Variants in USP31 observed in about 807,000 individuals in gnomAD.
USP31 encodes the protein ubiquitin specific peptidase 31.
A neutral mutation model predicts 119.4 loss-of-function variants in USP31; 44 were observed. The observed-to-expected ratio is 0.37, with a 90% CI of 0.29 to 0.47. USP31 has a LOEUF of 0.47. USP31 is among the 20% of genes least tolerant of loss of function. The pLI, the probability that USP31 is intolerant of heterozygous loss-of-function variation, is 0.99. For synonymous variants in USP31, 749 were observed against 705.6 expected, an observed-to-expected ratio of 1.06 and a Z score of -0.97; for missense variants, 1,643 against 1,730.2, an observed-to-expected ratio of 0.95 and a Z score of 0.89.
Position 23,141,574 on chromosome 16 carries a change from C to T in USP31, c.633+7064G>A, listed in dbSNP as rs952252723. ...TGTACTTTTTGGAGAGACAGGGTTT[C>T]GCCTGTTGCCCAGGCTGGTCTTGAA... is the stretch of plus-strand genomic sequence containing the variant. On this transcript the variant is annotated intron_variant, in intron 1 of 15. Transcript: ENST00000219689. 3.9e-5 allele frequency among the ~76,000 whole-genome samples: 6 copies of T among 152,050 alleles called. No individual in the cohort carries two copies. The East Asian group carries it at 5.8e-4, about 15-fold the overall frequency.
Position 23,069,372 on chromosome 16 carries a change from G to C in USP31, c.2733C>G (p.Cys911Trp). ...EAADDKVSIS[C>W]FGSLRNLSSS... ...TAGAAAGGTTCCGCAAGCTACCAAA[G>C]CAAGAGATGGAGACCTTGTCATCTG... The change falls in exon 16 of 16, where the codon TGC becomes TGG. Residue 911 changes from cysteine to tryptophan, a missense_variant. Cys to Trp is a radical substitution (Grantham distance 215). This residue lies in a region of USP31 where 699 missense variants were observed against 650.9 expected (regional missense o/e 1.07). Transcript: ENST00000219689. 6.2e-7 allele frequency: 1 copy of C among 1,607,828 alleles called. No individual in the cohort carries two copies. The highest frequency in any genetic ancestry group is 8.5e-7 in the Non-Finnish European group (1 of 1,175,364).
chr16:23,074,444 T>A (rs1306874764), intron 13 of USP31, among the ~76,000 whole-genome samples: 1 of 152,334 alleles, frequency 6.6e-6, no homozygotes, highest in African/African-American at 2.4e-5. Flanking sequence ...ATAAATATAA[T>A]ATGTAACACT....
At chr16:23,079,326 T>A (rs1417687989) in intron 13 of USP31, 1 of 152,220 alleles carries the variant, frequency 6.6e-6, no homozygotes, top group African/African-American at 2.4e-5. Flanking sequence ...AATTTCATGA[T>A]GAACATAGTT....
In USP31 at chr16:23,065,948, T is replaced by C. The variant is rs961442116; in HGVS notation, c.*2098A>G. 4.6e-5 allele frequency: 7 copies of C among 152,200 alleles called. No individual in the cohort carries two copies. The highest frequency in any genetic ancestry group is 1.9e-4 in the East Asian group (1 of 5,206). 9.4% of individuals were successfully genotyped at this position (152,200 alleles called of 1,614,324 possible). A position where few individuals can be genotyped will look rare whatever the true frequency, so the allele number is the denominator to read the frequency against. Reference sequence around the variant, plus strand: ...TGAGTTAGACATTCAATTCCTGATATAGATGATCTCTTATTTGGTGCATCT... The same window carrying C: ...TGAGTTAGACATTCAATTCCTGATACAGATGATCTCTTATTTGGTGCATCT... On this transcript the variant is annotated 3_prime_UTR_variant, in exon 16 of 16. Coordinates refer to ENST00000219689, the MANE Select transcript of USP31 (RefSeq NM_020718.4).
intron 1 of USP31, among the ~76,000 whole-genome samples, chr16:23,142,286 T>C (rs914532161): frequency 6.6e-6 from 1 of 152,222 alleles, no homozygotes; most frequent in African/African-American, 2.4e-5. Flanking sequence ...CATGTGTTGA[T>C]ATACGTGTTG....
At chr16:23,081,543 G>T (rs894652341) in intron 12 of USP31, among the ~76,000 whole-genome samples, 1 of 152,176 alleles carries the variant, frequency 6.6e-6, no homozygotes, top group Non-Finnish European at 1.5e-5. Flanking sequence ...GCCTCCTTCA[G>T]GTCTCCCCAT....
intron 13 of USP31, among the ~76,000 whole-genome samples, chr16:23,077,585 T>A (rs931590802): frequency 6.6e-6 from 1 of 152,104 alleles, no homozygotes; most frequent in Non-Finnish European, 1.5e-5. Context: ...CCCTCCTCCA[T>A]CTCTCCCTAC....
At position 23,082,479 on chromosome 16, in the gene USP31, G is replaced by A; in HGVS notation, c.1909C>T (p.Leu637=). 6.2e-7 allele frequency: 1 copy of A among 1,614,230 alleles called. No homozygotes were observed. Among genetic ancestry groups the A allele is most frequent in the Non-Finnish European group, 8.5e-7 (1 of 1,180,040 alleles). Residue 637 remains leucine, a synonymous_variant, in exon 12 of 16, where the codon CTG becomes TTG. Coordinates refer to ENST00000219689, the MANE Select transcript of USP31 (RefSeq NM_020718.4). ...QGSITLSLWT[L]PDVLIIHLKR... is the part of the protein sequence containing the mutation. Reference sequence around the variant, plus strand: ...AGATGTATAATAAGCACATCAGGCAGAGTCCAGAGGCTTAACGTAATGCTT... The same window carrying A: ...AGATGTATAATAAGCACATCAGGCAAAGTCCAGAGGCTTAACGTAATGCTT...
At chr16:23,085,115 A>G (rs1328442853) in intron 10 of USP31, 126 bp from the exon 11 acceptor site, 2 of 1,374,138 alleles carry the variant, frequency 1.5e-6, no homozygotes, top group African/African-American at 2.9e-5. Flanking sequence ...ATGTGTAAGA[A>G]AACAAAAGTA....
At chr16:23,121,274 G>A (rs1235560119) in intron 1 of USP31, among the ~76,000 whole-genome samples, 1 of 152,100 alleles carries the variant, frequency 6.6e-6, no homozygotes, top group Non-Finnish European at 1.5e-5. Flanking sequence ...CAACCCTATG[G>A]ATACTTGACA....
At chr16:23,138,846 C>T (rs1903268387) in intron 1 of USP31, among the ~76,000 whole-genome samples, 2 of 152,142 alleles carry the variant, frequency 1.3e-5, no homozygotes, top group Admixed American at 1.3e-4. Flanking sequence ...ACCTCACAGG[C>T]CCCATTCCTC....
intron 5 of USP31, among the ~76,000 whole-genome samples, chr16:23,102,793 A>G (rs1416250464): frequency 6.6e-6 from 1 of 152,234 alleles, no homozygotes; most frequent in Non-Finnish European, 1.5e-5. Flanking sequence ...TTCCCTAAAC[A>G]ATATAGCATA....
At position 23,064,414 on chromosome 16, in the gene USP31, G is replaced by A. The variant is rs1361956134; in HGVS notation, c.*3632C>T. On this transcript the variant is annotated 3_prime_UTR_variant, in exon 16 of 16. Transcript: ENST00000219689. ...TACATACTGTTGCTATTTTTTTCAT[G>A]ATAGTTATTTTAAGGGAATGACAAT... 3 of 152,070 alleles carry A rather than the reference G, an allele frequency of 2.0e-5. No homozygotes were observed. Among genetic ancestry groups the A allele is most frequent in the African/African-American group, 7.2e-5 (3 of 41,390 alleles). The allele number at this position is 152,070 out of a possible 1,614,324, so 9.4% of individuals were successfully genotyped here.
Position 23,087,162 on chromosome 16 carries a change from C to G in USP31, c.1552G>C (p.Val518Leu). ...IQVCPFSLRVVSVVGITYLLP... is the reference protein window; with the variant it reads ...IQVCPFSLRVLSVVGITYLLP... ...AAATATGTTATTCCAACAACACTGA[C>G]CACACGCAAGCTGAATGGACACACC... The change falls in exon 9 of 16, where the codon GTC becomes CTC. Residue 518 changes from valine (V) to leucine (L), a missense_variant. Around this residue, in one of 5 missense-constraint regions of USP31, gnomAD observed 219 missense variants for 226.4 expected, o/e 0.97. Coordinates refer to ENST00000219689, the MANE Select transcript of USP31 (RefSeq NM_020718.4). 1 of 1,613,646 alleles carries G rather than the reference C, an allele frequency of 6.2e-7. No individual in the cohort carries two copies. The highest frequency in any genetic ancestry group is 8.5e-7 in the Non-Finnish European group (1 of 1,179,828).
intron 5 of USP31, among the ~76,000 whole-genome samples, chr16:23,103,089 CAG>C (rs1039913255): frequency 2.6e-5 from 4 of 152,124 alleles, no homozygotes; most frequent in African/African-American, 4.8e-5. Flanking sequence ...ACTCTAACTC[CAG>C]AGTTTCTCTA....
At chr16:23,096,652 C>T (rs1711821542) in intron 6 of USP31, among the ~76,000 whole-genome samples, 1 of 152,168 alleles carries the variant, frequency 6.6e-6, no homozygotes, top group African/African-American at 2.4e-5. Context: ...TCTCTCAGAC[C>T]ACAGTGCAAT....
rs751338455 is a variant in USP31, at chr16:23,102,481, G to A, written c.1090-18C>T. 1.3e-6 allele frequency: 2 copies of A among 1,593,804 alleles called. No individual in the cohort carries two copies. Among genetic ancestry groups the A allele is most frequent in the South Asian group, 1.1e-5 (1 of 88,268 alleles). On this transcript the variant is annotated intron_variant, in intron 5 of 15. Transcript: ENST00000219689. ...AACACAATCTAAAAATAGGAAAAAT[G>A]TAAACAGGTGGGTAACTGGAAATTC...
intron 13 of USP31, among the ~76,000 whole-genome samples, chr16:23,076,986 A>G (rs1489200804): frequency 6.6e-6 from 1 of 152,244 alleles, no homozygotes; most frequent in African/African-American, 2.4e-5. Context: ...AACAAGACAC[A>G]ATATTTGTAT....
chr16:23,096,353 T>C (rs905129127), intron 6 of USP31, among the ~76,000 whole-genome samples: 1 of 152,098 alleles, frequency 6.6e-6, no homozygotes, highest in Admixed American at 6.5e-5. Flanking sequence ...AGCAAGTCCT[T>C]AGAGACCTAC....
Sources: gnomAD v4.1 joint callset for allele counts (sites outside exome capture counted in the v4.1 genomes callset) on GRCh38, gnomAD v4.1.1 for gene constraint, gnomAD v4.1.1 regional missense constraint, MANE v1.5 for transcripts, NCBI Gene and HGNC (gene_info 2026-07-23, HGNC 2026-07-21) for gene names.